The following SFRP2 variants were observed in gnomAD, a reference collection of about 807,000 sequenced individuals.
SFRP2 encodes the protein secreted frizzled related protein 2.
In SFRP2, 16 loss-of-function variants were observed where a neutral mutation model predicts 26.0. The observed-to-expected ratio is 0.61, with a 90% CI of 0.42 to 0.93. The LOEUF is 0.93. Among genes scored for constraint, SFRP2 ranks in the 40% least tolerant of loss-of-function variants. The probability of loss-of-function intolerance (pLI) is 0.00; values close to 1 mark genes in which losing one functional copy is unlikely to be tolerated. For synonymous variants in SFRP2, 173 were observed against 167.3 expected (o/e 1.03, Z -0.26); for missense variants, 343 against 392.4 (o/e 0.87, Z 1.06).
intron 2 of SFRP2, among the ~76,000 whole-genome samples, chr4:153,783,996 C>A (rs1253865734): frequency 1.3e-5 from 2 of 152,174 alleles, no homozygotes; most frequent in Admixed American, 1.3e-4. Flanking sequence ...CTAAGGCACA[C>A]AGGCATCCAT....
chr4:153,788,641 GC>G lies in SFRP2; in HGVS notation c.194del (p.Gly65AlafsTer5). The G allele has an allele frequency of 6.2e-7, 1 of 1,614,210 alleles. No individual in the cohort carries two copies. The highest frequency in any genetic ancestry group is 8.5e-7 in the Non-Finnish European group (1 of 1,180,046). On this transcript the variant is annotated frameshift_variant, in exon 1 of 3. Coordinates refer to ENST00000274063, the MANE Select transcript of SFRP2 (RefSeq NM_003013.3). LOFTEE classifies it high-confidence loss of function. ...CCAGCACCTCCTTCATGGTCTCGTG[GC>G]CCAGCAGGTTGGGCAGCCGCATGTT... Reference protein sequence around the residue: ...YQNMRLPNLLGHETMKEVLEQ... With the variant: ...YQNMRLPNLLXHETMKEVLEQ...
Position 153,781,578 on chromosome 4 carries a change from T to C in SFRP2, c.761A>G (p.Asn254Ser). The C allele has an allele frequency of 1.9e-6, 3 of 1,614,206 alleles. No individual in the cohort carries two copies. Among genetic ancestry groups the C allele is most frequent in the South Asian group, 1.1e-5 (1 of 91,078 alleles). The change falls in exon 3 of 3, where the codon AAC becomes AGC. Residue 254 changes from asparagine to serine, a missense_variant. This residue lies in a region of SFRP2 where 92 missense variants were observed against 139.0 expected (regional missense o/e 0.66). Coordinates refer to ENST00000274063, the MANE Select transcript of SFRP2 (RefSeq NM_003013.3). ...QCTCEEMNDI[N>S]APYLVMGQKQ... Reference sequence around the variant, plus strand: ...CTGTCCCATGACCAGATAGGGCGCGTTGATGTCGTTCATCTCCTCACAGGT... The same window carrying C: ...CTGTCCCATGACCAGATAGGGCGCGCTGATGTCGTTCATCTCCTCACAGGT...
chr4:153,788,882 G>A lies in SFRP2; in HGVS notation c.-47C>T. The A allele has an allele frequency of 1.3e-6, 2 of 1,497,462 alleles. No homozygotes were observed. The highest frequency in any genetic ancestry group is 1.8e-6 in the Non-Finnish European group (2 of 1,128,904). The allele number at this position is 1,497,462 out of a possible 1,614,324, so 92.8% of individuals were successfully genotyped here. ...GGGCAGAGGGAGCGGAGCCGGGGAAGGGCGAGGCGGCCGGAGTTCGAGCTT... is the reference window on the plus strand; with the variant it reads ...GGGCAGAGGGAGCGGAGCCGGGGAAAGGCGAGGCGGCCGGAGTTCGAGCTT... On this transcript the variant is annotated 5_prime_UTR_variant, in exon 1 of 3. Coordinates refer to ENST00000274063, the MANE Select transcript of SFRP2 (RefSeq NM_003013.3).
rs1741121901 is a variant in SFRP2, at chr4:153,781,546, C to T, written c.793G>A (p.Gly265Ser). 2 of 1,614,072 alleles carry T rather than the reference C, an allele frequency of 1.2e-6. No homozygotes were observed. The highest frequency in any genetic ancestry group is 1.7e-5 in the Admixed American group (1 of 60,010). The part of the protein sequence containing the change: ...APYLVMGQKQ[G>S]GELVITSVKR... Reference sequence around the variant, plus strand: ...ACCGAGGTGATCACCAGCTCCCCACCCTGTTTCTGTCCCATGACCAGATAG... The same window carrying T: ...ACCGAGGTGATCACCAGCTCCCCACTCTGTTTCTGTCCCATGACCAGATAG... The change falls in exon 3 of 3, where the codon GGT becomes AGT. Residue 265 changes from glycine (G) to serine (S), a missense_variant. Coordinates refer to ENST00000274063, the MANE Select transcript of SFRP2 (RefSeq NM_003013.3).
chr4:153,787,002 T>C (rs913964712), intron 1 of SFRP2, among the ~76,000 whole-genome samples: 24 of 152,228 alleles, frequency 1.6e-4, no homozygotes, highest in Non-Finnish European at 3.2e-4. Flanking sequence ...ATAGAAGCGT[T>C]ATTTATCAAA....
Position 153,781,519 on chromosome 4 carries a change from T to G in SFRP2, c.820A>C (p.Lys274Gln), listed in dbSNP as rs1246532190. 6.2e-7 allele frequency: 1 copy of G among 1,614,170 alleles called. No individual in the cohort carries two copies. The highest frequency in any genetic ancestry group is 8.5e-7 in the Non-Finnish European group (1 of 1,180,020). ...TCTCTCTGCCCCTTCTGCCACCGCT[T>G]CACCGAGGTGATCACCAGCTCCCCA... ...QGGELVITSV[K>Q]RWQKGQREFK... The change falls in exon 3 of 3, where the codon AAG becomes CAG. Residue 274 changes from lysine (K) to glutamine (Q), a missense_variant. Physicochemically the swap from Lys to Gln is moderately conservative, Grantham distance 53. This residue lies in a region of SFRP2 where 92 missense variants were observed against 139.0 expected (regional missense o/e 0.66). Coordinates refer to ENST00000274063, the MANE Select transcript of SFRP2 (RefSeq NM_003013.3).
chr4:153,782,079 GCT>G (rs1322015523), intron 2 of SFRP2, among the ~76,000 whole-genome samples: 3 of 152,182 alleles, frequency 2.0e-5, no homozygotes, highest in Admixed American at 1.3e-4. Flanking sequence ...TGTGGTGTGT[GCT>G]CTCTCCAACA....
At position 153,781,336 on chromosome 4, in the gene SFRP2, A is replaced by G. The variant is rs1741117290; in HGVS notation, c.*115T>C. On this transcript the variant is annotated 3_prime_UTR_variant, in exon 3 of 3. Coordinates refer to ENST00000274063, the MANE Select transcript of SFRP2 (RefSeq NM_003013.3). ...TGCAAAAGGCAGGGGGAAGCTGCCC[A>G]GGCTGAGACTGGAGCAGCTAGGAGT... 3 of 953,030 alleles carry G rather than the reference A, an allele frequency of 3.1e-6. No homozygotes were observed. The highest frequency in any genetic ancestry group is 1.6e-5 in the African/African-American group (1 of 61,582). The allele number at this position is 953,030 out of a possible 1,614,324, so 59.0% of individuals were successfully genotyped here. A position where few individuals can be genotyped will look rare whatever the true frequency, so the allele number is the denominator to read the frequency against.
chr4:153,781,886 C>T, intron 2 of SFRP2, 131 bp from the exon 3 acceptor site: 1 of 756,256 alleles, frequency 1.3e-6, no homozygotes, highest in South Asian at 1.8e-5. Flanking sequence ...ATGGGACCCT[C>T]AGAGGCTGCA....
In SFRP2 at chr4:153,788,661, G is replaced by A. The variant is rs768693726; in HGVS notation, c.175C>T (p.Arg59Trp). The A allele has an allele frequency of 6.2e-7, 1 of 1,614,168 alleles. No individual in the cohort carries two copies. ...LCHGIEYQNM[R>W]LPNLLGHETM... ...TCGTGGCCCAGCAGGTTGGGCAGCC[G>A]CATGTTCTGGTATTCGATGCCGTGG... The change falls in exon 1 of 3, where the codon CGG becomes TGG. Residue 59 changes from arginine to tryptophan, a missense_variant. By Grantham distance (101) the Arg-to-Trp change is moderately radical (BLOSUM62 -3). Around this residue, in one of 2 missense-constraint regions of SFRP2, gnomAD observed 251 missense variants for 253.3 expected, o/e 0.99. Transcript: ENST00000274063.
Position 153,781,447 on chromosome 4 carries a change from G to A in SFRP2, c.*4C>T, listed in dbSNP as rs777771497. ...GGCCTGTCGGAGCCATCAGGATGCC[G>A]GGACTAGCACTGCAGCTTGCGGATG... is the stretch of plus-strand genomic sequence containing the variant. On this transcript the variant is annotated 3_prime_UTR_variant, in exon 3 of 3. Transcript: ENST00000274063. 4 of 1,608,208 alleles carry A rather than the reference G, an allele frequency of 2.5e-6. No homozygotes were observed. Among genetic ancestry groups the A allele is most frequent in the South Asian group, 2.2e-5 (2 of 90,956 alleles).
chr4:153,781,169 G>A lies in SFRP2; in HGVS notation c.*282C>T, dbSNP rs566216504. 1.4e-5 allele frequency: 6 copies of A among 418,428 alleles called. No homozygotes were observed. Among genetic ancestry groups the A allele is most frequent in the African/African-American group, 7.9e-5 (4 of 50,726 alleles). 25.9% of individuals were successfully genotyped at this position (418,428 alleles called of 1,614,324 possible). The stretch of plus-strand genomic sequence containing the variant: ...CTATTCAAAACTAGCTTTAAAGTGA[G>A]CTATTTTTAAACTTCATAAAAATAT... On this transcript the variant is annotated 3_prime_UTR_variant, in exon 3 of 3. Coordinates refer to ENST00000274063, the MANE Select transcript of SFRP2 (RefSeq NM_003013.3).
At position 153,789,083 on chromosome 4, in the gene SFRP2, C is replaced by A; in HGVS notation, c.-248G>T. 1 of 483,446 alleles carries A rather than the reference C, an allele frequency of 2.1e-6. No homozygotes were observed. The highest frequency in any genetic ancestry group is 3.6e-6 in the Non-Finnish European group (1 of 279,130). The allele number at this position is 483,446 out of a possible 1,614,324, so 29.9% of individuals were successfully genotyped here. On this transcript the variant is annotated 5_prime_UTR_variant, in exon 1 of 3. Coordinates refer to ENST00000274063, the MANE Select transcript of SFRP2 (RefSeq NM_003013.3). ...GGAGCAGAATGAGCCGTTGCTGGGG[C>A]ACAGCCAGAGTTTTCTTGGCCTTTT...
chr4:153,781,403 T>G lies in SFRP2; in HGVS notation c.*48A>C. 5 of 1,542,236 alleles carry G rather than the reference T, an allele frequency of 3.2e-6. No individual in the cohort carries two copies. In the South Asian group the frequency reaches 5.9e-5, roughly 18 times the overall value. On this transcript the variant is annotated 3_prime_UTR_variant, in exon 3 of 3. Transcript: ENST00000274063. ...AGCTGAGATCCCGGAGCAGAAATGG[T>G]CAGCCGTGCTCTGGAGCAGGCCTGT...
chr4:153,782,534 G>T (rs1339343422), intron 2 of SFRP2, among the ~76,000 whole-genome samples: 7 of 152,194 alleles, frequency 4.6e-5, no homozygotes, highest in Non-Finnish European at 1.0e-4. Context: ...GTCATGAACA[G>T]TATGCTCTGG....
chr4:153,781,959 C>A (rs1292189834), intron 2 of SFRP2, among the ~76,000 whole-genome samples: 3 of 152,164 alleles, frequency 2.0e-5, no homozygotes, highest in African/African-American at 7.2e-5. Flanking sequence ...AAGCATTTGC[C>A]AGGCACTTGG....
At chr4:153,784,370 T>C (rs1193064286) in intron 2 of SFRP2, among the ~76,000 whole-genome samples, 3 of 152,210 alleles carry the variant, frequency 2.0e-5, no homozygotes, top group Non-Finnish European at 4.4e-5. Flanking sequence ...CTTAGCCAGT[T>C]TGAGGGTTGT....
At chr4:153,788,260 T>A in intron 1 of SFRP2, 74 bp downstream of exon 1, 3 of 1,530,050 alleles carry the variant, frequency 2.0e-6, no homozygotes, top group Non-Finnish European at 2.7e-6. Context: ...TGCACTGGGA[T>A]GCGTGGCAGG....
rs1346809769 is a variant in SFRP2 at position 153,789,081 on chromosome 4, G to A, written c.-246C>T. On this transcript the variant is annotated 5_prime_UTR_variant, in exon 1 of 3. Transcript: ENST00000274063. Reference sequence around the variant, plus strand: ...GGGGAGCAGAATGAGCCGTTGCTGGGGCACAGCCAGAGTTTTCTTGGCCTT... The same window carrying A: ...GGGGAGCAGAATGAGCCGTTGCTGGAGCACAGCCAGAGTTTTCTTGGCCTT... The A allele has an allele frequency of 6.2e-6, 3 of 487,086 alleles. No homozygotes were observed. The highest frequency in any genetic ancestry group is 1.1e-5 in the Non-Finnish European group (3 of 281,368). 30.2% of individuals were successfully genotyped at this position (487,086 alleles called of 1,614,324 possible). A position where few individuals can be genotyped will look rare whatever the true frequency, so the allele number is the denominator to read the frequency against.
Sources: allele counts gnomAD v4.1 joint callset (sites outside exome capture counted in the v4.1 genomes callset), GRCh38; gene constraint gnomAD v4.1.1; regional missense constraint gnomAD v4.1.1; transcripts MANE v1.5; gene names NCBI Gene and HGNC (gene_info 2026-07-23, HGNC 2026-07-21).